The following PACRG variants were observed in gnomAD, a reference collection of about 807,000 sequenced individuals.
PACRG encodes parkin coregulated gene protein.
A neutral mutation model predicts 29.7 loss-of-function variants in PACRG; 29 were observed. The observed-to-expected ratio is 0.98, with a 90% CI of 0.73 to 1.33. PACRG has a LOEUF of 1.33. Ranked by LOEUF, PACRG falls within the 40% of genes most tolerant of loss-of-function variation. The pLI, the probability that PACRG is intolerant of heterozygous loss-of-function variation, is 0.00. For synonymous variants in PACRG, 116 were observed against 118.7 expected (o/e 0.98, Z 0.15); for missense variants, 279 against 316.2 (o/e 0.88, Z 0.89).
At chr6:162,962,667 A>G (rs763300778) in intron 2 of PACRG, among the ~76,000 whole-genome samples, 1 of 152,224 alleles carries the variant, frequency 6.6e-6, no homozygotes, top group Non-Finnish European at 1.5e-5. Flanking sequence ...CAGGAACCAC[A>G]TCTGCCAGCA....
At chr6:162,980,992 G>C (rs1452187408) in intron 2 of PACRG, among the ~76,000 whole-genome samples, 1 of 151,938 alleles carries the variant, frequency 6.6e-6, no homozygotes, top group African/African-American at 2.4e-5. Context: ...CATCACCCGA[G>C]CAGTGTCTAC....
chr6:162,868,811 T>A (rs367667525), intron 2 of PACRG, among the ~76,000 whole-genome samples: 1 of 152,172 alleles, frequency 6.6e-6, no homozygotes, highest in African/African-American at 2.4e-5. Flanking sequence ...AAACCAACAC[T>A]GAATCCTACT....
intron 2 of PACRG, among the ~76,000 whole-genome samples, chr6:162,897,567 T>G (rs1206536131): frequency 6.6e-6 from 1 of 152,196 alleles, no homozygotes; most frequent in Admixed American, 6.5e-5. Flanking sequence ...ATACCAAGAT[T>G]TACACACCTA....
intron 2 of PACRG, among the ~76,000 whole-genome samples, chr6:162,891,243 A>G (rs188790597): frequency 1.3e-5 from 2 of 152,344 alleles, no homozygotes; most frequent in East Asian, 3.9e-4. Context: ...CTGCAATGCT[A>G]TTGCAGTCAG....
intron 4 of PACRG, among the ~76,000 whole-genome samples, chr6:163,230,136 T>C (rs1781966954): frequency 6.6e-6 from 1 of 152,222 alleles, no homozygotes; most frequent in East Asian, 1.9e-4. Flanking sequence ...CGTCTATATA[T>C]GTAACATTTG....
chr6:162,960,996 A>G lies in PACRG; in HGVS notation c.292-101154A>G, dbSNP rs1800569134. ...GGTCATGTGCCCATGCCAGAATCAA[A>G]TATTGTGGCCATGAGAGGTAGAATA... On this transcript the variant is annotated intron_variant, in intron 2 of 4. Transcript: ENST00000366888. Among the ~76,000 whole-genome samples, 6 of 145,394 alleles carry G rather than the reference A, an allele frequency of 4.1e-5. No homozygotes were observed. In the South Asian group the frequency reaches 1.4e-3, roughly 33 times the overall value.
chr6:162,756,137 T>C (rs539497503), intron 1 of PACRG, among the ~76,000 whole-genome samples: 2 of 152,314 alleles, frequency 1.3e-5, no homozygotes, highest in East Asian at 3.9e-4. Flanking sequence ...GGATGGAATG[T>C]TCTGTTTATG....
intron 4 of PACRG, among the ~76,000 whole-genome samples, chr6:163,283,009 T>C (rs1409646531): frequency 2.0e-5 from 3 of 152,254 alleles, no homozygotes; most frequent in Non-Finnish European, 4.4e-5. Context: ...TGAATGTTTT[T>C]TACTACTGAT....
At chr6:162,881,240 G>A (rs1584638380) in intron 2 of PACRG, among the ~76,000 whole-genome samples, 2 of 152,288 alleles carry the variant, frequency 1.3e-5, no homozygotes, top group South Asian at 2.1e-4. Context: ...CTGCCTGATG[G>A]TTGTCTTCAA....
chr6:163,111,000 G>C (rs747000708), intron 4 of PACRG, among the ~76,000 whole-genome samples: 2 of 152,182 alleles, frequency 1.3e-5, no homozygotes, highest in Non-Finnish European at 2.9e-5. Context: ...TCTTCCTGCT[G>C]GACATTCTGT....
chr6:163,304,941 G>C (rs1014784269), intron 4 of PACRG, among the ~76,000 whole-genome samples: 2 of 152,232 alleles, frequency 1.3e-5, no homozygotes, highest in African/African-American at 4.8e-5. Context: ...GGGTAAATCA[G>C]GAAGAGGAGG....
intron 4 of PACRG, among the ~76,000 whole-genome samples, chr6:163,172,339 A>G (rs1442069139): frequency 6.6e-6 from 1 of 152,204 alleles, no homozygotes; most frequent in Non-Finnish European, 1.5e-5. Flanking sequence ...CCAAAAATAC[A>G]ACAAAGATGA....
At position 162,732,185 on chromosome 6, in the gene PACRG, T is replaced by C. The variant is rs189732073; in HGVS notation, c.156+3794T>C. On this transcript the variant is annotated intron_variant, in intron 1 of 4. Coordinates refer to ENST00000366888, the MANE Select transcript of PACRG (RefSeq NM_001080379.2). Reference sequence around the variant, plus strand: ...CAAAAGCCTATGAAAGCTTGACCCATGAAGCAACTCCCAAGCCCACGTACC... The same window carrying C: ...CAAAAGCCTATGAAAGCTTGACCCACGAAGCAACTCCCAAGCCCACGTACC... 9.2e-5 allele frequency among the ~76,000 whole-genome samples: 14 copies of C among 152,202 alleles called. No individual in the cohort carries two copies. In the East Asian group the frequency reaches 2.3e-3, roughly 25 times the overall value.
intron 4 of PACRG, among the ~76,000 whole-genome samples, chr6:163,277,797 G>A (rs1784098755): frequency 1.3e-5 from 2 of 151,730 alleles, no homozygotes; most frequent in Admixed American, 6.6e-5. Flanking sequence ...CTATAAGCAT[G>A]CATGTACAAG....
rs928818017 is a variant in PACRG, at chr6:163,237,312, A to C, written c.614-77515A>C. 5.3e-5 allele frequency among the ~76,000 whole-genome samples: 8 copies of C among 152,278 alleles called. No individual in the cohort carries two copies. The East Asian group carries it at 5.8e-4, about 11-fold the overall frequency. On this transcript the variant is annotated intron_variant, in intron 4 of 4. Transcript: ENST00000366888. ...TTTGGTCACGTGATTGTTCCATAAA[A>C]TATATTGGGATTGCATACATCCTAA...
chr6:163,230,182 T>C (rs1003231163), intron 4 of PACRG, among the ~76,000 whole-genome samples: 5 of 152,174 alleles, frequency 3.3e-5, no homozygotes, highest in African/African-American at 7.2e-5. Flanking sequence ...GCTTAGCAAA[T>C]ATGAATCTTC....
At chr6:163,177,710 A>ATTGTTTTTTTTT (rs1779441451) in intron 4 of PACRG, among the ~76,000 whole-genome samples, 1 of 53,744 alleles carries the variant, frequency 1.9e-5, no homozygotes, top group Non-Finnish European at 3.1e-5. Context: ...TAGAAAAGGG[A>ATTGTTTTTTTTT]TTTTTTTTTT....
chr6:162,737,421 A>G (rs188722558), intron 1 of PACRG, among the ~76,000 whole-genome samples: 1 of 152,214 alleles, frequency 6.6e-6, no homozygotes, highest in East Asian at 1.9e-4. Context: ...ACATAGTATG[A>G]TGGGGAAGAT....
At chr6:162,947,359 A>AT (rs376521730) in intron 2 of PACRG, among the ~76,000 whole-genome samples, 511 of 36,660 alleles carry the variant, frequency 0.014, 54 homozygotes, top group African/African-American at 0.046. Context: ...ACATATATAT[A>AT]ATGTAATCAT....
Sources: gnomAD v4.1 joint callset for allele counts (sites outside exome capture counted in the v4.1 genomes callset) on GRCh38, gnomAD v4.1.1 for gene constraint, MANE v1.5 for transcripts, NCBI Gene and HGNC (gene_info 2026-07-23, HGNC 2026-07-21) for gene names.